NPAS3: variants seen among roughly 807,000 people sequenced by gnomAD.
The protein encoded by NPAS3 is neuronal PAS domain protein 3, also known as neuronal PAS domain-containing protein 3.
In NPAS3, 14 loss-of-function variants were observed where a neutral mutation model predicts 73.1. The ratio of observed to expected loss-of-function variants is 0.19; its 90% CI spans 0.13 to 0.30. The LOEUF is 0.30. Ranked by LOEUF, NPAS3 falls within the 10% of genes least tolerant of loss-of-function variation. The pLI is 1.00. For synonymous variants in NPAS3, 620 were observed against 541.5 expected, an observed-to-expected ratio of 1.14 and a Z score of -2.01; for missense variants, 1,096 against 1,250.0, an observed-to-expected ratio of 0.88 and a Z score of 1.86.
At chr14:33,172,808 A>G (rs991217170) in intron 2 of NPAS3, among the ~76,000 whole-genome samples, 2 of 152,150 alleles carry the variant, frequency 1.3e-5, no homozygotes, top group African/African-American at 4.8e-5. Flanking sequence ...TATATCAAAA[A>G]TTGTCTACTT....
At chr14:33,362,581 T>A (rs2045652933) in intron 3 of NPAS3, among the ~76,000 whole-genome samples, 1 of 152,062 alleles carries the variant, frequency 6.6e-6, no homozygotes, top group African/African-American at 2.4e-5. Context: ...GTCCAGGGAT[T>A]CCATTAAGCA....
intron 7 of NPAS3, among the ~76,000 whole-genome samples, chr14:33,760,177 TCAA>T (rs1284616972): frequency 3.3e-5 from 5 of 152,052 alleles, no homozygotes; most frequent in African/African-American, 1.2e-4. Flanking sequence ...AACTAATACA[TCAA>T]CAAGTGCTGT....
At chr14:33,038,598 A>G (rs1470339346) in intron 1 of NPAS3, among the ~76,000 whole-genome samples, 1 of 152,160 alleles carries the variant, frequency 6.6e-6, no homozygotes, top group Non-Finnish European at 1.5e-5. Context: ...AAGGGATGTC[A>G]TTATTATTAA....
intron 3 of NPAS3, among the ~76,000 whole-genome samples, chr14:33,237,356 C>A (rs2048068579): frequency 1.3e-5 from 2 of 152,114 alleles, no homozygotes; most frequent in Non-Finnish European, 2.9e-5. Context: ...GCAGCTTATG[C>A]ACTCAAGGCA....
At chr14:33,534,275 A>G (rs2054167128) in intron 4 of NPAS3, among the ~76,000 whole-genome samples, 1 of 152,008 alleles carries the variant, frequency 6.6e-6, no homozygotes, top group Non-Finnish European at 1.5e-5. Context: ...GAACCATGGC[A>G]TGCTGAAAGT....
intron 2 of NPAS3, among the ~76,000 whole-genome samples, chr14:33,182,452 T>C (rs1269993291): frequency 6.6e-6 from 1 of 152,188 alleles, no homozygotes; most frequent in Non-Finnish European, 1.5e-5. Flanking sequence ...AAGTGCATTA[T>C]TTTAACCCCT....
chr14:33,499,196 G>A (rs761028514), intron 4 of NPAS3, among the ~76,000 whole-genome samples: 8 of 151,802 alleles, frequency 5.3e-5, no homozygotes, highest in Non-Finnish European at 7.4e-5. Context: ...AGAGCACCAT[G>A]TTCAGGCTTG....
At chr14:33,483,526 C>T (rs1362111634) in intron 4 of NPAS3, among the ~76,000 whole-genome samples, 2 of 152,176 alleles carry the variant, frequency 1.3e-5, no homozygotes, top group Non-Finnish European at 2.9e-5. Context: ...TCATTCAGCT[C>T]TAAAAGCTAA....
chr14:33,531,373 C>A (rs373249103), intron 4 of NPAS3, among the ~76,000 whole-genome samples: 15 of 152,098 alleles, frequency 9.9e-5, no homozygotes, highest in African/African-American at 2.7e-4. Flanking sequence ...CTTACCCCAA[C>A]CCCTGATGGC....
chr14:33,749,412 A>G (rs1209194447), intron 7 of NPAS3, among the ~76,000 whole-genome samples: 1 of 152,204 alleles, frequency 6.6e-6, no homozygotes, highest in East Asian at 1.9e-4. Context: ...CCTGCCTAGA[A>G]TAGCCCCATA....
chr14:33,521,447 G>A (rs558516713), intron 4 of NPAS3, among the ~76,000 whole-genome samples: 1 of 150,480 alleles, frequency 6.6e-6, no homozygotes, highest in South Asian at 2.1e-4. Flanking sequence ...CCTGAGGGCT[G>A]AGTGCTATAA....
At chr14:33,345,041 C>A (rs1469449320) in intron 3 of NPAS3, among the ~76,000 whole-genome samples, 2 of 152,190 alleles carry the variant, frequency 1.3e-5, no homozygotes, top group Non-Finnish European at 2.9e-5. Context: ...CGGTCTACAA[C>A]CTCCTTTTTA....
At chr14:33,608,483 A>G (rs1350907886) in intron 5 of NPAS3, 1 of 152,212 alleles carries the variant, frequency 6.6e-6, no homozygotes, top group Non-Finnish European at 1.5e-5. Flanking sequence ...TATTATAAAT[A>G]ATACAGTGAA....
At chr14:33,332,707 T>G (rs1180633622) in intron 3 of NPAS3, among the ~76,000 whole-genome samples, 1 of 152,180 alleles carries the variant, frequency 6.6e-6, no homozygotes, top group East Asian at 1.9e-4. Context: ...CTTGGCAGCA[T>G]CTATGTGCAC....
chr14:33,004,203 C>T lies in NPAS3; in HGVS notation c.51-51702C>T, dbSNP rs541816259. On this transcript the variant is annotated intron_variant, in intron 1 of 11. Coordinates refer to ENST00000356141, the Ensembl canonical transcript of NPAS3. Reference sequence around the variant, plus strand: ...TAGTACAGTGTGTGTTGCTTAATCACGGGGATACATTTTAAGAAATACATC... The same window carrying T: ...TAGTACAGTGTGTGTTGCTTAATCATGGGGATACATTTTAAGAAATACATC... Among the ~76,000 whole-genome samples, 34 of 152,252 alleles carry T rather than the reference C, an allele frequency of 2.2e-4. No homozygotes were observed. In the South Asian group the frequency reaches 5.6e-3, roughly 25 times the overall value.
At chr14:33,346,527 C>CAAAAAAA (rs33926266) in intron 3 of NPAS3, among the ~76,000 whole-genome samples, 2 of 70,908 alleles carry the variant, frequency 2.8e-5, no homozygotes. Flanking sequence ...GACCCTGTCT[C>CAAAAAAA]AAAAAAAAAA....
chr14:33,168,607 C>T (rs2045261958), intron 2 of NPAS3, among the ~76,000 whole-genome samples: 1 of 152,196 alleles, frequency 6.6e-6, no homozygotes, highest in South Asian at 2.1e-4. Context: ...TCTTTGCTAT[C>T]CCTGTAGTTG....
chr14:33,344,766 G>A (rs1164227559), intron 3 of NPAS3, among the ~76,000 whole-genome samples: 1 of 152,100 alleles, frequency 6.6e-6, no homozygotes, highest in Non-Finnish European at 1.5e-5. Context: ...TTCCTCACAT[G>A]CCTTTTATAA....
At chr14:32,939,035 G>A (rs1369738110), upstream of NPAS3, among the ~76,000 whole-genome samples, 1 of 145,712 alleles carries the variant, frequency 6.9e-6, no homozygotes, top group Admixed American at 6.8e-5. Context: ...TGGGAGCACC[G>A]GCGGCGCGAG....
Sources: gnomAD v4.1 joint callset for allele counts (sites outside exome capture counted in the v4.1 genomes callset) on GRCh38, gnomAD v4.1.1 for gene constraint, MANE v1.5 for transcripts, NCBI Gene and HGNC (gene_info 2026-07-23, HGNC 2026-07-21) for gene names.